Variants in NOD2 observed in about 807,000 individuals in gnomAD.
NOD2 encodes the protein nucleotide binding oligomerization domain containing 2.
Under a neutral mutation model 90.9 loss-of-function variants are expected in NOD2, and 86 were observed. That is an observed-to-expected ratio of 0.95 (90% CI 0.79 to 1.13). The LOEUF is 1.13. Among genes scored for constraint, NOD2 ranks in the 50% most tolerant of loss-of-function variants. NOD2 has a pLI of 0.00. For synonymous variants in NOD2, 581 were observed against 554.6 expected (o/e 1.05, Z -0.67); for missense variants, 1,238 against 1,283.8 (o/e 0.96, Z 0.55).
At chr16:50,720,091 C>A in intron 7 of NOD2, 83 bp downstream of exon 7, 1 of 1,298,868 alleles carries the variant, frequency 7.7e-7, no homozygotes, top group Non-Finnish European at 1.1e-6. Context: ...ACTCTTCAGC[C>A]AGGAGGCCCC....
intron 3 of NOD2, chr16:50,710,003 G>A (rs1217055849): frequency 2.2e-6 from 1 of 455,930 alleles, no homozygotes; most frequent in African/African-American, 2.0e-5. Flanking sequence ...GTGGACCCAG[G>A]TTTTCAAACT....
intron 11 of NOD2, 111 bp from the exon 12 acceptor site, chr16:50,731,636 C>T: frequency 1.3e-6 from 1 of 785,948 alleles, no homozygotes; most frequent in Non-Finnish European, 2.2e-6. Context: ...TGCAGCTGGG[C>T]CAGAGAGTCA....
In NOD2 at chr16:50,707,961, G is replaced by C; in HGVS notation, c.565+1G>C. 1 of 1,592,542 alleles carries C rather than the reference G, an allele frequency of 6.3e-7. No individual in the cohort carries two copies. The highest frequency in any genetic ancestry group is 8.6e-7 in the Non-Finnish European group (1 of 1,160,268). ...GTCCCATTGGCCCTGCCTTTGGAAGGTAGGTGTATGTTCTCAGTTAATCAG... is the reference window on the plus strand; with the variant it reads ...GTCCCATTGGCCCTGCCTTTGGAAGCTAGGTGTATGTTCTCAGTTAATCAG... On this transcript the variant is annotated splice_donor_variant, in intron 3 of 11. Coordinates refer to ENST00000647318, the MANE Select transcript of NOD2 (RefSeq NM_001370466.1). LOFTEE classifies it high-confidence loss of function.
intron 10 of NOD2, chr16:50,727,763 G>A (rs561617384): frequency 1.2e-5 from 4 of 340,248 alleles, no homozygotes; most frequent in Admixed American, 3.4e-5. Flanking sequence ...GACGAATGCC[G>A]GCTGCAGGTG....
intron 6 of NOD2, among the ~76,000 whole-genome samples, chr16:50,718,407 A>G (rs1270453198): frequency 6.6e-6 from 1 of 152,232 alleles, no homozygotes; most frequent in African/African-American, 2.4e-5. Context: ...CCTGGGTGGG[A>G]TGGAGCTGGA....
At chr16:50,722,244 G>A (rs1965091736) in intron 7 of NOD2, among the ~76,000 whole-genome samples, 1 of 152,244 alleles carries the variant, frequency 6.6e-6, no homozygotes, top group South Asian at 2.1e-4. Flanking sequence ...GCAGGTACTG[G>A]AGGGTAGCTA....
Position 50,699,729 on chromosome 16 carries a change from G to A in NOD2, c.234G>A (p.Ala78=), listed in dbSNP as rs104895419. The A allele has an allele frequency of 1.3e-4, 213 of 1,613,968 alleles. No homozygotes were observed. Among genetic ancestry groups the A allele is most frequent in the Non-Finnish European group, 1.7e-4 (199 of 1,180,034 alleles). ...CTTGGGCCTGTCAGAAGCTCATCGC[G>A]GCTGCCCAAGAAGCCCAGGCCGACA... The part of the protein sequence containing the change: ...KGTWACQKLI[A]AAQEAQADSQ... Residue 78 remains alanine, a synonymous_variant, in exon 2 of 12, where the codon GCG becomes GCA. Transcript: ENST00000647318.
intron 10 of NOD2, 103 bp downstream of exon 10, chr16:50,725,675 A>G: frequency 1.1e-6 from 1 of 889,404 alleles, no homozygotes; most frequent in Non-Finnish European, 1.9e-6. Flanking sequence ...AACTCATGTG[A>G]GGTGGCCTGG....
At chr16:50,709,069 T>G (rs1340531388) in intron 3 of NOD2, among the ~76,000 whole-genome samples, 1 of 152,196 alleles carries the variant, frequency 6.6e-6, no homozygotes, top group East Asian at 1.9e-4. Flanking sequence ...TCTGGAGAAT[T>G]TTAGTATCAT....
At chr16:50,718,389 A>T (rs1287295594) in intron 6 of NOD2, among the ~76,000 whole-genome samples, 1 of 152,236 alleles carries the variant, frequency 6.6e-6, no homozygotes, top group Non-Finnish European at 1.5e-5. Flanking sequence ...CGGGGGGCTG[A>T]TTCACGTCCT....
intron 8 of NOD2, 113 bp from the exon 9 acceptor site, chr16:50,723,188 T>C (rs1965143278): frequency 1.3e-6 from 1 of 759,046 alleles, no homozygotes. Context: ...CAATTAGTGA[T>C]GTCTGAAATG....
chr16:50,699,358 T>C (rs575049478), intron 1 of NOD2, 130 bp from the exon 2 acceptor site: 27 of 734,572 alleles, frequency 3.7e-5, no homozygotes, highest in South Asian at 9.3e-5. Flanking sequence ...GGAGCTTGGA[T>C]TGGGTAATGT....
rs1226636811 is a variant in NOD2, at chr16:50,711,679, G to T, written c.1687G>T (p.Gly563Cys). 7 of 1,613,598 alleles carry T rather than the reference G, an allele frequency of 4.3e-6. No individual in the cohort carries two copies. The highest frequency in any genetic ancestry group is 1.7e-5 in the Admixed American group (1 of 60,000). ...TCTTGGCTTCCTGGTGCGTGCCAAA[G>T]GTGTCGTGCCAGGGAGTACGGCGCC... Reference protein sequence around the residue: ...ISLGFLVRAKGVVPGSTAPLE... With the variant: ...ISLGFLVRAKCVVPGSTAPLE... The change falls in exon 4 of 12, where the codon GGT becomes TGT. Residue 563 changes from glycine (G) to cysteine (C), a missense_variant. Coordinates refer to ENST00000647318, the MANE Select transcript of NOD2 (RefSeq NM_001370466.1).
At chr16:50,721,048 G>T (rs996329952) in intron 7 of NOD2, among the ~76,000 whole-genome samples, 2 of 151,338 alleles carry the variant, frequency 1.3e-5, no homozygotes, top group Non-Finnish European at 2.9e-5. Flanking sequence ...CAGATGATCC[G>T]CCCGCCTCGG....
In NOD2 at chr16:50,732,092, A is replaced by G. The variant is rs2150847072; in HGVS notation, c.*273A>G. 1 of 480,672 alleles carries G rather than the reference A, an allele frequency of 2.1e-6. No homozygotes were observed. The highest frequency in any genetic ancestry group is 3.9e-6 in the Non-Finnish European group (1 of 259,362). 29.8% of individuals were successfully genotyped at this position (480,672 alleles called of 1,614,324 possible). On this transcript the variant is annotated 3_prime_UTR_variant, in exon 12 of 12. Coordinates refer to ENST00000647318, the MANE Select transcript of NOD2 (RefSeq NM_001370466.1). ...GATGTACAAGGACAGCCCCTCCTCC[A>G]TAGTATGGGACTGGCCTCTGCTGAT... is the stretch of plus-strand genomic sequence containing the variant.
At position 50,722,387 on chromosome 16, in the gene NOD2, C is replaced by G. The variant is rs73575767; in HGVS notation, c.2634-235C>G. On this transcript the variant is annotated intron_variant, in intron 7 of 11. Transcript: ENST00000647318. ...GGGCTGGGTAGCCCTCTACTATTCT[C>G]TAAGTCTGTAATGTAAAGCCACTGA... is the stretch of plus-strand genomic sequence containing the variant. 0.047 allele frequency among the ~76,000 whole-genome samples: 7,115 copies of G among 152,234 alleles called. 509 individuals are homozygous for G. The highest frequency in any genetic ancestry group is 0.15 in the African/African-American group (6,328 of 41,506).
intron 11 of NOD2, 129 bp downstream of exon 11, chr16:50,730,030 G>C: frequency 1.5e-6 from 1 of 687,686 alleles, no homozygotes; most frequent in South Asian, 1.5e-5. Context: ...CAGTGAGAAT[G>C]ATTCTGCATG....
chr16:50,711,582 C>A lies in NOD2; in HGVS notation c.1590C>A (p.Gly530=). The A allele has an allele frequency of 6.2e-7, 1 of 1,611,666 alleles. No homozygotes were observed. Among genetic ancestry groups the A allele is most frequent in the Non-Finnish European group, 8.5e-7 (1 of 1,179,978 alleles). Reference sequence around the variant, plus strand: ...ACCTGGGCAGACTGGCTCTGTGGGGCCTGGGCATGTGCTGCTACGTGTTCT... The same window carrying A: ...ACCTGGGCAGACTGGCTCTGTGGGGACTGGGCATGTGCTGCTACGTGTTCT... The part of the protein sequence containing the change: ...LLHLGRLALW[G]LGMCCYVFSA... The change falls in exon 4 of 12, where the codon GGC becomes GGA. Residue 530 remains glycine (G), a synonymous_variant. Coordinates refer to ENST00000647318, the MANE Select transcript of NOD2 (RefSeq NM_001370466.1).
chr16:50,699,792 C>G lies in NOD2; in HGVS notation c.297C>G (p.His99Gln). 1 of 1,613,820 alleles carries G rather than the reference C, an allele frequency of 6.2e-7. No homozygotes were observed. Among genetic ancestry groups the G allele is most frequent in the Non-Finnish European group, 8.5e-7 (1 of 1,180,040 alleles). Reference protein sequence around the residue: ...SPKLHGCWDPHSLHPARDLQS... With the variant: ...SPKLHGCWDPQSLHPARDLQS... ...AGCTGCATGGCTGCTGGGACCCCCACTCGCTCCACCCAGCCCGAGACCTGC... is the reference window on the plus strand; with the variant it reads ...AGCTGCATGGCTGCTGGGACCCCCAGTCGCTCCACCCAGCCCGAGACCTGC... The change falls in exon 2 of 12, where the codon CAC (histidine) becomes CAG (glutamine). Residue 99 changes from histidine to glutamine, a missense_variant. By Grantham distance (24) the His-to-Gln change is conservative. Coordinates refer to ENST00000647318, the MANE Select transcript of NOD2 (RefSeq NM_001370466.1).
Sources: gnomAD v4.1 joint callset for allele counts (sites outside exome capture counted in the v4.1 genomes callset) on GRCh38, gnomAD v4.1.1 for gene constraint, MANE v1.5 for transcripts, NCBI Gene and HGNC (gene_info 2026-07-23, HGNC 2026-07-21) for gene names.